Variants in ZBTB20 observed in about 807,000 individuals in gnomAD.
The protein encoded by ZBTB20 is zinc finger and BTB domain-containing protein 20.
ZBTB20 carries 9 observed loss-of-function variants against 56.9 expected under a neutral mutation model. The observed-to-expected ratio is 0.16, with a 90% CI of 0.10 to 0.28. ZBTB20 has a LOEUF of 0.28. ZBTB20 is among the 10% of genes least tolerant of loss of function. The probability of loss-of-function intolerance (pLI) is 1.00; values close to 1 mark genes in which losing one functional copy is unlikely to be tolerated. For synonymous variants in ZBTB20, 417 were observed against 420.7 expected (o/e 0.99, Z 0.11); for missense variants, 655 against 1,003.0 (o/e 0.65, Z 4.69).
intron 6 of ZBTB20, among the ~76,000 whole-genome samples, chr3:114,644,233 G>T (rs2059715343): frequency 6.6e-6 from 1 of 151,998 alleles, no homozygotes; most frequent in Non-Finnish European, 1.5e-5. Flanking sequence ...CATGTATGCA[G>T]AAAGAAGCTA....
chr3:114,792,489 A>G (rs1409013969), intron 5 of ZBTB20, among the ~76,000 whole-genome samples: 1 of 152,208 alleles, frequency 6.6e-6, no homozygotes, highest in Non-Finnish European at 1.5e-5. Flanking sequence ...CAACTACTGG[A>G]GGACCCTAAC....
intron 6 of ZBTB20, among the ~76,000 whole-genome samples, chr3:114,657,473 G>A (rs1186083194): frequency 6.6e-6 from 1 of 152,074 alleles, no homozygotes; most frequent in Admixed American, 6.6e-5. Flanking sequence ...GGCACTTATA[G>A]GCTCCCACAT....
chr3:114,797,251 T>C (rs1464567401), intron 5 of ZBTB20, among the ~76,000 whole-genome samples: 1 of 151,788 alleles, frequency 6.6e-6, no homozygotes, highest in Non-Finnish European at 1.5e-5. Context: ...GATTCTAGTA[T>C]ATGTGATCTT....
chr3:115,019,605 G>A (rs2080123328), intron 2 of ZBTB20, among the ~76,000 whole-genome samples: 1 of 151,170 alleles, frequency 6.6e-6, no homozygotes, highest in South Asian at 2.1e-4. Context: ...GCTGTACCTA[G>A]GAACATTTGT....
intron 2 of ZBTB20, among the ~76,000 whole-genome samples, chr3:115,015,579 C>G (rs1576570240): frequency 6.6e-6 from 1 of 151,952 alleles, no homozygotes; most frequent in East Asian, 2.0e-4. Context: ...GTTTGGTTCT[C>G]TGTTCCTCTA....
intron 7 of ZBTB20, among the ~76,000 whole-genome samples, chr3:114,498,091 G>T (rs1559873098): frequency 6.6e-6 from 1 of 152,184 alleles, no homozygotes; most frequent in Non-Finnish European, 1.5e-5. Flanking sequence ...AATACTGAAA[G>T]ATATTGTCCT....
At chr3:114,496,610 GA>G (rs1364136575) in intron 7 of ZBTB20, among the ~76,000 whole-genome samples, 1 of 152,132 alleles carries the variant, frequency 6.6e-6, no homozygotes, top group Non-Finnish European at 1.5e-5. Context: ...ATAAGCTGTT[GA>G]AAATTTCCTT....
At position 114,965,770 on chromosome 3, in the gene ZBTB20, T is replaced by A. The variant is rs189637797; in HGVS notation, c.-456+8596A>T. Among the ~76,000 whole-genome samples, 676 of 152,284 alleles carry A rather than the reference T, an allele frequency of 4.4e-3. 4 individuals are homozygous for A. Among genetic ancestry groups the A allele is most frequent in the African/African-American group, 0.016 (645 of 41,564 alleles). ...CTCCGATGATTAGTGATGTTGAGCATTTTTTCATATACCCATTAACCATTT... is the reference window on the plus strand; with the variant it reads ...CTCCGATGATTAGTGATGTTGAGCAATTTTTCATATACCCATTAACCATTT... On this transcript the variant is annotated intron_variant, in intron 3 of 11. Coordinates refer to ENST00000675478, the MANE Select transcript of ZBTB20 (RefSeq NM_001348800.3).
intron 2 of ZBTB20, among the ~76,000 whole-genome samples, chr3:115,052,881 T>G (rs1314509700): frequency 6.6e-6 from 1 of 152,232 alleles, no homozygotes; most frequent in Non-Finnish European, 1.5e-5. Context: ...ATGTTTGAAT[T>G]GTTTTTAGTA....
intron 3 of ZBTB20, among the ~76,000 whole-genome samples, chr3:114,956,589 T>A (rs1158294483): frequency 1.3e-5 from 2 of 152,114 alleles, no homozygotes; most frequent in East Asian, 3.9e-4. Context: ...CTGAAGAAAA[T>A]TAAGGTATAA....
chr3:114,690,659 T>TC (rs1305315049), intron 6 of ZBTB20, among the ~76,000 whole-genome samples: 3 of 152,056 alleles, frequency 2.0e-5, no homozygotes, highest in Non-Finnish European at 4.4e-5. Flanking sequence ...ATAATTTCTT[T>TC]CCCCCCAAAC....
At chr3:115,116,091 T>C (rs2084010556) in intron 1 of ZBTB20, among the ~76,000 whole-genome samples, 1 of 152,080 alleles carries the variant, frequency 6.6e-6, no homozygotes, top group South Asian at 2.1e-4. Context: ...CAGTCAGTTG[T>C]CTGTTTTGTA....
intron 1 of ZBTB20, among the ~76,000 whole-genome samples, chr3:115,132,776 C>CAAA (rs150235427): frequency 6.6e-6 from 1 of 150,494 alleles, no homozygotes; most frequent in Non-Finnish European, 1.5e-5. Context: ...AAATAAAAGA[C>CAAA]AAAAAAAAAC....
chr3:114,672,728 G>A (rs2061419817), intron 6 of ZBTB20, among the ~76,000 whole-genome samples: 1 of 152,140 alleles, frequency 6.6e-6, no homozygotes, highest in Non-Finnish European at 1.5e-5. Context: ...AAGAGTATGA[G>A]TTTTGGAATT....
At chr3:114,601,303 T>G (rs1055070774) in intron 6 of ZBTB20, among the ~76,000 whole-genome samples, 1 of 152,072 alleles carries the variant, frequency 6.6e-6, no homozygotes, top group African/African-American at 2.4e-5. Context: ...ATCTCGCACA[T>G]GGCAGCAGCC....
chr3:114,673,119 T>C (rs1443215200), intron 6 of ZBTB20, among the ~76,000 whole-genome samples: 1 of 152,150 alleles, frequency 6.6e-6, no homozygotes, highest in African/African-American at 2.4e-5. Context: ...CTGCTCTCAA[T>C]AGTATCATTT....
chr3:115,109,632 G>A (rs545467984), intron 1 of ZBTB20, among the ~76,000 whole-genome samples: 1 of 152,156 alleles, frequency 6.6e-6, no homozygotes, highest in South Asian at 2.1e-4. Context: ...GAATGTGTAA[G>A]GAATAGAAGG....
chr3:114,566,318 C>T (rs1305888365), intron 6 of ZBTB20, among the ~76,000 whole-genome samples: 1 of 152,094 alleles, frequency 6.6e-6, no homozygotes, highest in Non-Finnish European at 1.5e-5. Context: ...GTGCGGTAAC[C>T]CCTGGGTCAC....
chr3:114,966,619 G>T lies in ZBTB20; in HGVS notation c.-456+7747C>A, dbSNP rs543674554. ...TGCCCAACTGTTAGTGAATAGTTCA[G>T]TCAAGACTGAATCTCAAATCCAGTG... is the stretch of plus-strand genomic sequence containing the variant. On this transcript the variant is annotated intron_variant, in intron 3 of 11. Transcript: ENST00000675478. 6.2e-4 allele frequency among the ~76,000 whole-genome samples: 95 copies of T among 152,058 alleles called. 1 individual carries two copies. The highest frequency in any genetic ancestry group is 4.3e-3 in the Admixed American group (65 of 15,268).
Sources: allele counts gnomAD v4.1 joint callset (sites outside exome capture counted in the v4.1 genomes callset), GRCh38; gene constraint gnomAD v4.1.1; transcripts MANE v1.5; gene names NCBI Gene and HGNC (gene_info 2026-07-23, HGNC 2026-07-21).